ZBTB16: variants seen among roughly 807,000 people sequenced by gnomAD.
ZBTB16 encodes zinc finger and BTB domain-containing protein 16.
ZBTB16 carries 8 observed loss-of-function variants against 56.8 expected under a neutral mutation model. The observed-to-expected ratio is 0.14, with a 90% CI of 0.08 to 0.25. ZBTB16 has a LOEUF of 0.25. Ranked by LOEUF, ZBTB16 falls within the 10% of genes least tolerant of loss-of-function variation. ZBTB16 has a pLI of 1.00. For synonymous variants in ZBTB16, 363 were observed against 368.5 expected, an observed-to-expected ratio of 0.98 and a Z score of 0.17; for missense variants, 625 against 903.0, an observed-to-expected ratio of 0.69 and a Z score of 3.95.
intron 2 of ZBTB16, among the ~76,000 whole-genome samples, chr11:114,149,992 C>T (rs11214879): frequency 0.042 from 6,377 of 152,142 alleles, 313 homozygotes; most frequent in East Asian, 0.25. Flanking sequence ...TGTGCTGAGG[C>T]CATAAAAGAC....
intron 2 of ZBTB16, among the ~76,000 whole-genome samples, chr11:114,124,556 CCAAAAAAA>C (rs1941441633): frequency 3.8e-5 from 3 of 79,624 alleles, no homozygotes; most frequent in African/African-American, 1.4e-4. Flanking sequence ...AAAAAAAAAA[CCAAAAAAA>C]AAAAAAAACA....
At position 114,235,702 on chromosome 11, in the gene ZBTB16, TC is replaced by T. The variant is rs1436605130; in HGVS notation, c.1454-6464del. Reference sequence around the variant, plus strand: ...TCTTTCTTTCTTTCTTTTCTTTCTTTCTTTTCTTTCTTTCTTTTTCTTTCTT... The same window carrying T: ...TCTTTCTTTCTTTCTTTTCTTTCTTTTTTTCTTTCTTTCTTTTTCTTTCTT... On this transcript the variant is annotated intron_variant, in intron 4 of 6. Transcript: ENST00000335953. Among the ~76,000 whole-genome samples, 1,055 of 137,214 alleles carry T rather than the reference TC, an allele frequency of 7.7e-3. 9 individuals are homozygous for T. The highest frequency in any genetic ancestry group is 0.012 in the South Asian group (51 of 4,416). 90.0% of individuals were successfully genotyped at this position (137,214 alleles called of 152,430 possible). A position where few individuals can be genotyped will look rare whatever the true frequency, so the allele number is the denominator to read the frequency against.
intron 4 of ZBTB16, among the ~76,000 whole-genome samples, chr11:114,218,920 A>G (rs1212421835): frequency 2.0e-5 from 3 of 152,240 alleles, no homozygotes; most frequent in Non-Finnish European, 4.4e-5. Flanking sequence ...CTGTTGCCAT[A>G]AACCTCACCC....
At chr11:114,160,507 T>A (rs1389568039) in intron 3 of ZBTB16, among the ~76,000 whole-genome samples, 2 of 152,220 alleles carry the variant, frequency 1.3e-5, no homozygotes, top group Non-Finnish European at 1.5e-5. Flanking sequence ...TTTCAGTGAC[T>A]AGAATACTAA....
At chr11:114,194,237 G>C (rs1025860816) in intron 4 of ZBTB16, among the ~76,000 whole-genome samples, 1 of 152,242 alleles carries the variant, frequency 6.6e-6, no homozygotes, top group African/African-American at 2.4e-5. Flanking sequence ...GTGTGGCTTT[G>C]CATAGGGCAG....
chr11:114,095,969 T>G (rs1940391989), intron 2 of ZBTB16, among the ~76,000 whole-genome samples: 1 of 152,224 alleles, frequency 6.6e-6, no homozygotes, highest in Non-Finnish European at 1.5e-5. Flanking sequence ...ATAATTAGTG[T>G]CCTTTACACA....
At chr11:114,069,031 C>T (rs1216538482) in intron 2 of ZBTB16, among the ~76,000 whole-genome samples, 1 of 152,184 alleles carries the variant, frequency 6.6e-6, no homozygotes, top group African/African-American at 2.4e-5. Flanking sequence ...TACAGACAAG[C>T]ACTTAGGTCA....
intron 4 of ZBTB16, among the ~76,000 whole-genome samples, chr11:114,229,766 C>T (rs759771937): frequency 6.6e-6 from 1 of 152,128 alleles, no homozygotes; most frequent in Non-Finnish European, 1.5e-5. Flanking sequence ...AGAGTTCTGG[C>T]AACAGAATTT....
At chr11:114,226,556 C>T (rs1944331428) in intron 4 of ZBTB16, among the ~76,000 whole-genome samples, 1 of 152,198 alleles carries the variant, frequency 6.6e-6, no homozygotes, top group Non-Finnish European at 1.5e-5. Flanking sequence ...GAACCCCAAA[C>T]CACGAAGTGA....
At chr11:114,195,883 C>T (rs921294086) in intron 4 of ZBTB16, among the ~76,000 whole-genome samples, 7 of 152,144 alleles carry the variant, frequency 4.6e-5, no homozygotes, top group African/African-American at 7.2e-5. Flanking sequence ...TATACACCTG[C>T]TTTGCAAGGC....
intron 2 of ZBTB16, among the ~76,000 whole-genome samples, chr11:114,097,064 T>C (rs1369149019): frequency 1.3e-5 from 2 of 152,186 alleles, no homozygotes. Flanking sequence ...CATTGACCCA[T>C]GGATAAATTG....
At chr11:114,117,969 TC>T (rs894220678) in intron 2 of ZBTB16, among the ~76,000 whole-genome samples, 4 of 152,180 alleles carry the variant, frequency 2.6e-5, no homozygotes, top group Non-Finnish European at 5.9e-5. Context: ...TATAAACTCT[TC>T]CCTTGCTCCT....
chr11:114,075,629 G>GTGTATATATATATATA (rs142761461), intron 2 of ZBTB16, among the ~76,000 whole-genome samples: 13 of 141,100 alleles, frequency 9.2e-5, no homozygotes, highest in African/African-American at 3.7e-4. Context: ...GCTAATTTTT[G>GTGTATATATATATATA]TATATATATA....
intron 2 of ZBTB16, among the ~76,000 whole-genome samples, chr11:114,068,011 GA>G (rs1226710835): frequency 0.053 from 2,297 of 43,508 alleles, 27 homozygotes; most frequent in Middle Eastern, 0.15. Context: ...TGCTATGGTG[GA>G]AAAAAAAAAA....
At chr11:114,090,021 A>G (rs1940125686) in intron 2 of ZBTB16, among the ~76,000 whole-genome samples, 1 of 152,210 alleles carries the variant, frequency 6.6e-6, no homozygotes, top group African/African-American at 2.4e-5. Flanking sequence ...CCTACAGTTA[A>G]GATCTTAGCT....
In ZBTB16 at chr11:114,256,022, G is replaced by GTTTTTTTTTTTTT. The variant is rs61107073; in HGVS notation, c.*5479_*5480insTTTTTTTTTTTTT. The stretch of plus-strand genomic sequence containing the variant: ...TTATTGAAGTACTTGGTTTTGTTTT[G>GTTTTTTTTTTTTT]TTTTTTTTTTTTGTTTTTTTTGCCT... On this transcript the variant is annotated 3_prime_UTR_variant, in exon 7 of 7. Coordinates refer to ENST00000335953, the MANE Select transcript of ZBTB16 (RefSeq NM_006006.6). Among the ~76,000 whole-genome samples, 1 of 143,072 alleles carries GTTTTTTTTTTTTT rather than the reference G, an allele frequency of 7.0e-6. No homozygotes were observed. The highest frequency in any genetic ancestry group is 2.6e-5 in the African/African-American group (1 of 38,556). The allele number at this position is 143,072 out of a possible 152,430, so 93.9% of individuals were successfully genotyped here.
At chr11:114,075,637 A>ATATATATATATATATG (rs2137682858) in intron 2 of ZBTB16, among the ~76,000 whole-genome samples, 1 of 94,994 alleles carries the variant, frequency 1.1e-5, no homozygotes, top group African/African-American at 4.1e-5. Context: ...TTGTATATAT[A>ATATATATATATATATG]TATATATATA....
chr11:114,078,310 G>C (rs1208807249), intron 2 of ZBTB16, among the ~76,000 whole-genome samples: 1 of 152,190 alleles, frequency 6.6e-6, no homozygotes, highest in Non-Finnish European at 1.5e-5. Flanking sequence ...TTTCTCCCTT[G>C]GTCGTCTCCC....
chr11:114,103,170 C>T (rs1050042111), intron 2 of ZBTB16, among the ~76,000 whole-genome samples: 3 of 152,166 alleles, frequency 2.0e-5, no homozygotes, highest in Non-Finnish European at 4.4e-5. Flanking sequence ...GCCTTGAGGC[C>T]ATTGAAAGCA....
Sources: gnomAD v4.1 joint callset for allele counts (sites outside exome capture counted in the v4.1 genomes callset) on GRCh38, gnomAD v4.1.1 for gene constraint, MANE v1.5 for transcripts, NCBI Gene and HGNC (gene_info 2026-07-23, HGNC 2026-07-21) for gene names.